CSMD1: variants seen among roughly 807,000 people sequenced by gnomAD.
The protein encoded by CSMD1 is CUB and sushi domain-containing protein 1.
CSMD1 carries 213 observed loss-of-function variants against 417.5 expected under a neutral mutation model. The ratio of observed to expected loss-of-function variants is 0.51; its 90% CI spans 0.46 to 0.57. The LOEUF is 0.57. CSMD1 is among the 20% of genes least tolerant of loss of function. The pLI is 0.00. For synonymous variants in CSMD1, 2,862 were observed against 1,736.8 expected (o/e 1.65, Z -16.11); for missense variants, 6,923 against 4,529.7 (o/e 1.53, Z -15.17).
intron 3 of CSMD1, among the ~76,000 whole-genome samples, chr8:4,363,638 G>C (rs1388261425): frequency 6.6e-6 from 1 of 152,186 alleles, no homozygotes; most frequent in African/African-American, 2.4e-5. Flanking sequence ...ACGGTGCCAG[G>C]ACATACAACT....
chr8:4,245,904 T>C (rs1350959803), intron 3 of CSMD1, among the ~76,000 whole-genome samples: 1 of 152,206 alleles, frequency 6.6e-6, no homozygotes, highest in Non-Finnish European at 1.5e-5. Context: ...CATGGTGCTT[T>C]AGCTAAGGCG....
intron 5 of CSMD1, among the ~76,000 whole-genome samples, chr8:3,852,076 CT>C (rs1213315532): frequency 6.6e-6 from 1 of 152,170 alleles, no homozygotes; most frequent in Non-Finnish European, 1.5e-5. Context: ...TGGAGGAGAT[CT>C]TTGCAGAAAA....
intron 12 of CSMD1, among the ~76,000 whole-genome samples, chr8:3,433,836 C>G (rs76546292): frequency 6.6e-6 from 1 of 152,226 alleles, no homozygotes; most frequent in African/African-American, 2.4e-5. Context: ...CGTGGCAGCT[C>G]AGCCATTCTC....
At chr8:4,347,964 A>G (rs1438202819) in intron 3 of CSMD1, among the ~76,000 whole-genome samples, 2 of 152,184 alleles carry the variant, frequency 1.3e-5, no homozygotes, top group African/African-American at 2.4e-5. Flanking sequence ...AGAAGAATTT[A>G]TACACGGGAA....
At chr8:3,861,527 G>A (rs934118809) in intron 5 of CSMD1, among the ~76,000 whole-genome samples, 2 of 152,088 alleles carry the variant, frequency 1.3e-5, no homozygotes, top group Non-Finnish European at 2.9e-5. Context: ...ATGCCTCTTG[G>A]GAGAATTCTG....
chr8:3,165,343 A>G (rs1390733955), intron 37 of CSMD1, among the ~76,000 whole-genome samples: 1 of 152,194 alleles, frequency 6.6e-6, no homozygotes, highest in Non-Finnish European at 1.5e-5. Context: ...CATTTCTCTC[A>G]TAAAGATGCA....
chr8:3,121,746 C>T (rs1439334207), intron 41 of CSMD1, among the ~76,000 whole-genome samples: 1 of 152,072 alleles, frequency 6.6e-6, no homozygotes, highest in Non-Finnish European at 1.5e-5. Context: ...CTGCAGTGAG[C>T]TATGATCATA....
intron 1 of CSMD1, among the ~76,000 whole-genome samples, chr8:4,728,962 T>G (rs567842957): frequency 6.6e-6 from 1 of 152,240 alleles, no homozygotes; most frequent in African/African-American, 2.4e-5. Context: ...GAGATAGAGA[T>G]GGACAGCTGC....
At chr8:3,800,203 A>T (rs1036182763) in intron 5 of CSMD1, among the ~76,000 whole-genome samples, 1 of 152,180 alleles carries the variant, frequency 6.6e-6, no homozygotes, top group Non-Finnish European at 1.5e-5. Flanking sequence ...CAGAGAGCAG[A>T]ACTTTCAACA....
intron 4 of CSMD1, among the ~76,000 whole-genome samples, chr8:4,008,726 T>C (rs1305826191): frequency 6.9e-6 from 1 of 145,404 alleles, no homozygotes; most frequent in Non-Finnish European, 1.5e-5. Context: ...TTCTCCTGCC[T>C]CAGCCTCCTG....
chr8:3,093,206 G>A (rs368607671), intron 47 of CSMD1, among the ~76,000 whole-genome samples: 2 of 152,150 alleles, frequency 1.3e-5, no homozygotes, highest in Non-Finnish European at 2.9e-5. Context: ...GTATGGGTGG[G>A]TCCTGATCTA....
In CSMD1 at chr8:3,091,547, G is replaced by A. The variant is rs1318856046; in HGVS notation, c.7254C>T (p.Thr2418=). Residue 2418 remains threonine, a synonymous_variant, in exon 48 of 70, where the codon ACC becomes ACT. Coordinates refer to ENST00000635120, the MANE Select transcript of CSMD1 (RefSeq NM_033225.6). ...AGCGAATCTTGAATCCTTTCTTACT[G>A]GTGGCATGGTCAGTGGACCAGCGGA... is the stretch of plus-strand genomic sequence containing the variant. The part of the protein sequence containing the change: ...LYLRWSTDHA[T]SKKGFKIRYA... 1.2e-6 allele frequency: 2 copies of A among 1,605,772 alleles called. No homozygotes were observed. Among genetic ancestry groups the A allele is most frequent in the African/African-American group, 1.3e-5 (1 of 74,602 alleles).
At chr8:4,540,984 GA>G (rs1481655154) in intron 2 of CSMD1, among the ~76,000 whole-genome samples, 1 of 152,178 alleles carries the variant, frequency 6.6e-6, no homozygotes, top group Non-Finnish European at 1.5e-5. Context: ...TAAAGGGTCT[GA>G]AACATGAAAA....
intron 1 of CSMD1, among the ~76,000 whole-genome samples, chr8:4,649,039 C>A (rs1054667943): frequency 6.6e-6 from 1 of 152,194 alleles, no homozygotes. Flanking sequence ...GGCCGAGAAA[C>A]TCTTCTTGTA....
intron 3 of CSMD1, among the ~76,000 whole-genome samples, chr8:4,110,799 T>C (rs1727512870): frequency 6.6e-6 from 1 of 152,016 alleles, no homozygotes; most frequent in South Asian, 2.1e-4. Context: ...CAAGAATATG[T>C]ATGTTTTTAA....
At chr8:4,574,631 A>T (rs1250919492) in intron 2 of CSMD1, among the ~76,000 whole-genome samples, 1 of 152,192 alleles carries the variant, frequency 6.6e-6, no homozygotes, top group Non-Finnish European at 1.5e-5. Flanking sequence ...GAATACATTA[A>T]TGGGAGACAC....
At chr8:4,457,226 C>G (rs1257132666) in intron 2 of CSMD1, among the ~76,000 whole-genome samples, 6 of 152,216 alleles carry the variant, frequency 3.9e-5, no homozygotes, top group East Asian at 3.9e-4. Context: ...GGGAACTCAT[C>G]TTTCCCATTC....
At position 4,819,987 on chromosome 8, in the gene CSMD1, C is replaced by G. The variant is rs141105690; in HGVS notation, c.85+174345G>C. Among the ~76,000 whole-genome samples, 801 of 152,294 alleles carry G rather than the reference C, an allele frequency of 5.3e-3. 6 individuals carry two copies. Among genetic ancestry groups the G allele is most frequent in the Non-Finnish European group, 7.4e-3 (505 of 68,010 alleles). ...AATTGGTTTTATTGTAATTGGTAAA[C>G]CTATGTAATTGTTCTATTCATCAAC... On this transcript the variant is annotated intron_variant, in intron 1 of 69. Coordinates refer to ENST00000635120, the MANE Select transcript of CSMD1 (RefSeq NM_033225.6).
intron 4 of CSMD1, among the ~76,000 whole-genome samples, chr8:4,028,961 G>C (rs1160855845): frequency 6.6e-6 from 1 of 152,156 alleles, no homozygotes; most frequent in Admixed American, 6.5e-5. Flanking sequence ...TGTAAAAATA[G>C]CAGTGTTGCA....
Sources: gnomAD v4.1 joint callset for allele counts (sites outside exome capture counted in the v4.1 genomes callset) on GRCh38, gnomAD v4.1.1 for gene constraint, MANE v1.5 for transcripts, NCBI Gene and HGNC (gene_info 2026-07-23, HGNC 2026-07-21) for gene names.